AP2A2: variants seen among roughly 807,000 people sequenced by gnomAD.
AP2A2 encodes the protein adaptor related protein complex 2 subunit alpha 2, also known as AP-2 complex subunit alpha-2.
A neutral mutation model predicts 104.2 loss-of-function variants in AP2A2; 32 were observed. The ratio of observed to expected loss-of-function variants is 0.31; its 90% CI spans 0.23 to 0.41. The LOEUF (loss-of-function observed/expected upper bound fraction) is 0.41, where lower values mean the gene tolerates loss of function less well. Ranked by LOEUF, AP2A2 falls within the 10% of genes least tolerant of loss-of-function variation. The probability of loss-of-function intolerance (pLI) is 1.00; values close to 1 mark genes in which losing one functional copy is unlikely to be tolerated. For synonymous variants in AP2A2, 539 were observed against 533.3 expected (o/e 1.01, Z -0.15); for missense variants, 912 against 1,261.0 (o/e 0.72, Z 4.19).
chr11:998,660 A>G (rs901403468), intron 14 of AP2A2, among the ~76,000 whole-genome samples: 1 of 152,020 alleles, frequency 6.6e-6, no homozygotes, highest in African/African-American at 2.4e-5. Context: ...AGCCCTCCAC[A>G]TCTCCAGAAC....
intron 4 of AP2A2, among the ~76,000 whole-genome samples, chr11:976,339 G>A (rs1391990963): frequency 6.6e-6 from 1 of 152,200 alleles, no homozygotes; most frequent in African/African-American, 2.4e-5. Flanking sequence ...AAGGTAAATG[G>A]TACAGGTAGT....
Position 926,094 on chromosome 11 carries a change from T to C in AP2A2, c.67+6T>C. 7.7e-7 allele frequency: 1 copy of C among 1,292,620 alleles called. No individual in the cohort carries two copies. The highest frequency in any genetic ancestry group is 3.4e-5 in the Admixed American group (1 of 29,466). The allele number at this position is 1,292,620 out of a possible 1,614,324, so 80.1% of individuals were successfully genotyped here. On this transcript the variant is annotated splice_donor_region_variant and intron_variant, in intron 1 of 21. Transcript: ENST00000448903. ...CATCTCGGATATCCGCAACTGTGAG[T>C]GGCGGGGGCGGCGTGGGGCCGGGGC... is the stretch of plus-strand genomic sequence containing the variant.
Position 1,010,925 on chromosome 11 carries a change from G to A in AP2A2, c.*300G>A, listed in dbSNP as rs1448878677. On this transcript the variant is annotated 3_prime_UTR_variant, in exon 22 of 22. Transcript: ENST00000448903. Reference sequence around the variant, plus strand: ...ACAAATTAAAGGGAAATTAGAAGTTGGCGTGAACGTGGCGTTTGTGGGAGT... The same window carrying A: ...ACAAATTAAAGGGAAATTAGAAGTTAGCGTGAACGTGGCGTTTGTGGGAGT... 1 of 704,994 alleles carries A rather than the reference G, an allele frequency of 1.4e-6. No homozygotes were observed. Among genetic ancestry groups the A allele is most frequent in the East Asian group, 2.5e-5 (1 of 40,042 alleles). 43.7% of individuals were successfully genotyped at this position (704,994 alleles called of 1,614,324 possible). A position where few individuals can be genotyped will look rare whatever the true frequency, so the allele number is the denominator to read the frequency against.
rs1855731952 is a variant in AP2A2 at position 993,459 on chromosome 11, C to T, written c.1550+78C>T. 1 of 1,187,700 alleles carries T rather than the reference C, an allele frequency of 8.4e-7. No homozygotes were observed. Among genetic ancestry groups the T allele is most frequent in the South Asian group, 1.6e-5 (1 of 63,828 alleles). The allele number at this position is 1,187,700 out of a possible 1,614,324, so 73.6% of individuals were successfully genotyped here. On this transcript the variant is annotated intron_variant, in intron 12 of 21. Coordinates refer to ENST00000448903, the MANE Select transcript of AP2A2 (RefSeq NM_012305.4). The surrounding 1 kb of genome is among the most constrained non-coding windows in gnomAD (Gnocchi z 8.2). ...TGGTCGGTGGCAAGAGGCGAGGCAC[C>T]AGCTGGCCCTGCCGTGAGGCCTCGC...
chr11:971,809 G>A (rs1228581422), intron 3 of AP2A2, among the ~76,000 whole-genome samples: 2 of 152,170 alleles, frequency 1.3e-5, no homozygotes, highest in African/African-American at 2.4e-5. Flanking sequence ...CATCTGGCTC[G>A]TGGCACGCTA....
intron 4 of AP2A2, 23 bp downstream of exon 4, chr11:972,278 G>T (rs778559415): frequency 1.9e-6 from 3 of 1,548,474 alleles, no homozygotes; most frequent in East Asian, 2.3e-5. Flanking sequence ...CTCGTGCCGG[G>T]CTCCTGCTGA....
chr11:1,000,556 T>G lies in AP2A2; in HGVS notation c.2081T>G (p.Val694Gly), dbSNP rs1300653903. 2 of 1,550,550 alleles carry G rather than the reference T, an allele frequency of 1.3e-6. No homozygotes were observed. Among genetic ancestry groups the G allele is most frequent in the Non-Finnish European group, 1.7e-6 (2 of 1,153,434 alleles). ...LVDVFSDSAS[V>G]VAPLAPGSED... is the part of the protein sequence containing the mutation. The stretch of plus-strand genomic sequence containing the variant: ...GACGTGTTCTCAGACTCGGCCTCTG[T>G]GGTCGCGCCTCTCGCTCCTGGCTCC... The change falls in exon 15 of 22, where the codon GTG becomes GGG. Residue 694 changes from valine to glycine, a missense_variant. Transcript: ENST00000448903.
chr11:969,219 CCTTTTTTTTTTTTTTT>C (rs1854733886), intron 2 of AP2A2, among the ~76,000 whole-genome samples: 1 of 112,812 alleles, frequency 8.9e-6, no homozygotes, highest in Admixed American at 9.5e-5. Context: ...GTAGAACAGC[CCTTTTTTTTTTTTTTT>C]TTTTTTTTTT....
chr11:952,855 C>T (rs1046183374), intron 1 of AP2A2, among the ~76,000 whole-genome samples: 4 of 152,144 alleles, frequency 2.6e-5, no homozygotes, highest in Non-Finnish European at 4.4e-5. Flanking sequence ...GATCTGTTCC[C>T]GGCACGGTGG....
In AP2A2 at chr11:988,603, A is replaced by G. The variant is rs760392178; in HGVS notation, c.1183A>G (p.Met395Val). The change falls in exon 10 of 22, where the codon ATG becomes GTG. Residue 395 changes from methionine to valine, a missense_variant. This residue lies in a region of AP2A2 where 350 missense variants were observed against 487.0 expected (regional missense o/e 0.72). Coordinates refer to ENST00000448903, the MANE Select transcript of AP2A2 (RefSeq NM_012305.4). The part of the protein sequence containing the change: ...RQRAVDLLYA[M>V]CDRSNAPQIV... ...GCGGGCCGTGGACCTCCTCTACGCC[A>G]TGTGCGACCGCAGCAACGCCCCACA... The G allele has an allele frequency of 6.2e-7, 1 of 1,613,430 alleles. No homozygotes were observed. The highest frequency in any genetic ancestry group is 8.5e-7 in the Non-Finnish European group (1 of 1,179,880).
At chr11:959,381 T>A in intron 1 of AP2A2, 56 bp from the exon 2 acceptor site, 1 of 1,183,950 alleles carries the variant, frequency 8.4e-7, no homozygotes, top group Non-Finnish European at 1.2e-6. Flanking sequence ...ATCAGGGAAA[T>A]GGTGTTTCTT....
intron 14 of AP2A2, among the ~76,000 whole-genome samples, chr11:998,834 C>T (rs1182063358): frequency 3.3e-5 from 5 of 152,208 alleles, no homozygotes; most frequent in African/African-American, 1.2e-4. Flanking sequence ...GCTGGGATTA[C>T]AGGCGTGTGC....
At chr11:936,597 A>G (rs568551147) in intron 1 of AP2A2, among the ~76,000 whole-genome samples, 16 of 152,100 alleles carry the variant, frequency 1.1e-4, no homozygotes, top group Admixed American at 9.2e-4. Context: ...TTTGTAGCCC[A>G]GGCTGATAAC....
At chr11:974,208 G>A (rs1854935495) in intron 4 of AP2A2, among the ~76,000 whole-genome samples, 1 of 151,496 alleles carries the variant, frequency 6.6e-6, no homozygotes, top group Admixed American at 6.6e-5. Context: ...GTGTTCTGGT[G>A]CCTGAGTGGT....
At position 1,000,507 on chromosome 11, in the gene AP2A2, T is replaced by G; in HGVS notation, c.2032T>G (p.Ser678Ala). 6.5e-7 allele frequency: 1 copy of G among 1,540,200 alleles called. No homozygotes were observed. The highest frequency in any genetic ancestry group is 8.7e-7 in the Non-Finnish European group (1 of 1,147,574). The change falls in exon 15 of 22, where the codon TCC (serine) becomes GCC (alanine). Residue 678 changes from serine to alanine, a missense_variant. Ser to Ala is a moderately conservative substitution (Grantham distance 99, BLOSUM62 1). This residue lies in a region of AP2A2 where 105 missense variants were observed against 90.9 expected (regional missense o/e 1.16). Coordinates refer to ENST00000448903, the MANE Select transcript of AP2A2 (RefSeq NM_012305.4). ...TGCCCCCGCGGGCCCCCCACCCTCC[T>G]CCGGCGGCAGCGGGCTGCTCGTGGA... ...PPAPAGPPPS[S>A]GGSGLLVDVF...
At chr11:966,248 T>C (rs918547008) in intron 2 of AP2A2, among the ~76,000 whole-genome samples, 1 of 152,174 alleles carries the variant, frequency 6.6e-6, no homozygotes, top group Non-Finnish European at 1.5e-5. Flanking sequence ...ATCCTAGCAC[T>C]TTGGGAGGCC....
At position 988,649 on chromosome 11, in the gene AP2A2, G is replaced by A. The variant is rs1855544983; in HGVS notation, c.1229G>A (p.Ser410Asn). ...CCACAGATCGTGGCCGAGATGCTGA[G>A]CTATCTGGAGACAGCTGACTACTCC... ...NAPQIVAEMLSYLETADYSIR... is the reference protein window; with the variant it reads ...NAPQIVAEMLNYLETADYSIR... The change falls in exon 10 of 22, where the codon AGC (serine) becomes AAC (asparagine). Residue 410 changes from serine (S) to asparagine (N), a missense_variant. Coordinates refer to ENST00000448903, the MANE Select transcript of AP2A2 (RefSeq NM_012305.4). 6.2e-7 allele frequency: 1 copy of A among 1,613,774 alleles called. No homozygotes were observed. Among genetic ancestry groups the A allele is most frequent in the Non-Finnish European group, 8.5e-7 (1 of 1,179,896 alleles).
At chr11:979,008 A>G (rs1855148758) in intron 5 of AP2A2, among the ~76,000 whole-genome samples, 1 of 152,064 alleles carries the variant, frequency 6.6e-6, no homozygotes, top group African/African-American at 2.4e-5. Flanking sequence ...GGACAAGGAC[A>G]GGAGACACCA....
At chr11:984,313 T>G (rs1855371843) in intron 6 of AP2A2, among the ~76,000 whole-genome samples, 1 of 151,992 alleles carries the variant, frequency 6.6e-6, no homozygotes, top group South Asian at 2.1e-4. Flanking sequence ...TGGGGGTGCT[T>G]CTTCCTTCTG....
Sources: gnomAD v4.1 joint callset for allele counts (sites outside exome capture counted in the v4.1 genomes callset) on GRCh38, gnomAD v4.1.1 for gene constraint, gnomAD v4.1.1 regional missense constraint, Gnocchi (gnomAD v3.1) non-coding constraint, MANE v1.5 for transcripts, NCBI Gene and HGNC (gene_info 2026-07-23, HGNC 2026-07-21) for gene names.